PAICS: variants seen among roughly 807,000 people sequenced by gnomAD.
PAICS encodes phosphoribosylaminoimidazole carboxylase and phosphoribosylaminoimidazolesuccinocarboxamide synthase.
Under a neutral mutation model 53.7 loss-of-function variants are expected in PAICS, and 33 were observed. The ratio of observed to expected loss-of-function variants is 0.61; its 90% confidence interval spans 0.47 to 0.82. The LOEUF is 0.82. Among genes scored for constraint, PAICS ranks in the 40% least tolerant of loss-of-function variants. The pLI is 0.00. For synonymous variants in PAICS, 141 were observed against 167.2 expected, an observed-to-expected ratio of 0.84 and a Z score of 1.21; for missense variants, 394 against 494.1, an observed-to-expected ratio of 0.80 and a Z score of 1.92.
chr4:56,412,389 G>A, the PAICS span, among the ~76,000 whole-genome samples: 2 of 150,090 alleles, frequency 1.3e-5, no homozygotes, highest in Non-Finnish European at 3.0e-5. Flanking sequence ...GCTCATTGCT[G>A]CCTCAACTTC....
At chr4:56,414,732 T>C in the PAICS span, among the ~76,000 whole-genome samples, 1 of 152,186 alleles carries the variant, frequency 6.6e-6, no homozygotes, top group Non-Finnish European at 1.5e-5. Flanking sequence ...AACCAGGTAA[T>C]AGAATAGAAA....
chr4:56,424,411 C>T, the PAICS span, among the ~76,000 whole-genome samples: 3 of 152,118 alleles, frequency 2.0e-5, no homozygotes, highest in Non-Finnish European at 4.4e-5. Flanking sequence ...CTCAGACCAG[C>T]AGAGGACTGA....
the PAICS span, among the ~76,000 whole-genome samples, chr4:56,411,742 CAA>C: frequency 1.3e-5 from 2 of 152,070 alleles, no homozygotes; most frequent in Non-Finnish European, 2.9e-5. Flanking sequence ...TGCGAAACCT[CAA>C]AAAGGACAGA....
chr4:56,444,779 T>C (rs1718519063), intron 2 of PAICS, among the ~76,000 whole-genome samples: 1 of 152,182 alleles, frequency 6.6e-6, no homozygotes, highest in Non-Finnish European at 1.5e-5. Context: ...TATGTGCTTT[T>C]GGTTCTCCTT....
At chr4:56,430,682 T>C in the PAICS span, among the ~76,000 whole-genome samples, 1 of 149,958 alleles carries the variant, frequency 6.7e-6, no homozygotes, top group Non-Finnish European at 1.5e-5. Context: ...CTTGTGCGGT[T>C]AACCCTTAGC....
chr4:56,458,376 A>T (rs1401951628), intron 8 of PAICS, among the ~76,000 whole-genome samples: 1 of 151,742 alleles, frequency 6.6e-6, no homozygotes, highest in Non-Finnish European at 1.5e-5. Context: ...AGAGTGGAGC[A>T]CTCTACCTAG....
the PAICS span, among the ~76,000 whole-genome samples, chr4:56,428,028 T>C: frequency 6.6e-6 from 1 of 152,180 alleles, no homozygotes; most frequent in Admixed American, 6.5e-5. Context: ...TCACCTATGA[T>C]GAAAAGCAGC....
rs755977602 is a variant in PAICS at position 56,448,597 on chromosome 4, G to A, written c.573G>A (p.Lys191=). The A allele has an allele frequency of 1.9e-6, 3 of 1,589,728 alleles. No homozygotes were observed. Among genetic ancestry groups the A allele is most frequent in the African/African-American group, 2.7e-5 (2 of 73,988 alleles). The part of the protein sequence containing the change: ...LPQNCTLVDM[K]IEFGVDVTTK... ...AGAATTGTACACTGGTTGATATGAA[G>A]GTACAGATAAAACAAGTACAGATAA... Residue 191 remains lysine (K), a splice_region_variant and synonymous_variant, in exon 4 of 9, where the codon AAG becomes AAA. Transcript: ENST00000512576.
In PAICS at chr4:56,456,120, C is replaced by T. The variant is rs113046828; in HGVS notation, c.1111+2359C>T. On this transcript the variant is annotated intron_variant, in intron 8 of 8. Coordinates refer to ENST00000512576, the MANE Select transcript of PAICS (RefSeq NM_001079524.2). ...TTTCTTTTTTTTCTTGAGACGGAGTCGGGCTCTCTTGCCCAGGCTGGAGTG... is the reference window on the plus strand; with the variant it reads ...TTTCTTTTTTTTCTTGAGACGGAGTTGGGCTCTCTTGCCCAGGCTGGAGTG... 6.0e-3 allele frequency among the ~76,000 whole-genome samples: 914 copies of T among 152,190 alleles called. 8 individuals carry two copies. Among genetic ancestry groups the T allele is most frequent in the African/African-American group, 0.021 (856 of 41,516 alleles).
At chr4:56,424,244 C>T in the PAICS span, among the ~76,000 whole-genome samples, 1 of 152,214 alleles carries the variant, frequency 6.6e-6, no homozygotes, top group East Asian at 1.9e-4. Context: ...AATCCAGCTA[C>T]AGCTGTAGAC....
chr4:56,436,254 TTTTCTA>T, exon 1 of PAICS: 3 of 1,567,920 alleles, frequency 1.9e-6, no homozygotes, highest in Non-Finnish European at 2.6e-6. Flanking sequence ...ACCACCCCTC[TTTTCTA>T]GAGTTCTGCC....
chr4:56,434,390 C>A (rs1717781787), upstream of PAICS, among the ~76,000 whole-genome samples: 1 of 152,188 alleles, frequency 6.6e-6, no homozygotes, highest in Non-Finnish European at 1.5e-5. Flanking sequence ...TAAGTTGTTA[C>A]CACTGTATTG....
chr4:56,457,015 C>A (rs1719246856), intron 8 of PAICS, among the ~76,000 whole-genome samples: 1 of 152,128 alleles, frequency 6.6e-6, no homozygotes, highest in African/African-American at 2.4e-5. Context: ...AACAACCCCT[C>A]ACATTAGTGT....
At chr4:56,444,428 G>A (rs1718497211) in intron 2 of PAICS, among the ~76,000 whole-genome samples, 1 of 152,012 alleles carries the variant, frequency 6.6e-6, no homozygotes, top group South Asian at 2.1e-4. Flanking sequence ...ATGAAGAACG[G>A]TACTACAGTT....
At chr4:56,446,438 T>C in intron 2 of PAICS, 1 of 716,522 alleles carries the variant, frequency 1.4e-6, no homozygotes, top group South Asian at 1.5e-5. Context: ...TTAAGCTTCA[T>C]CCATATTATA....
At chr4:56,434,791 C>G (rs539113812), upstream of PAICS, among the ~76,000 whole-genome samples, 36 of 152,344 alleles carry the variant, frequency 2.4e-4, no homozygotes, top group Non-Finnish European at 2.4e-4. Context: ...AACTAGTCAT[C>G]TTTCCCTGGG....
intron 6 of PAICS, among the ~76,000 whole-genome samples, chr4:56,451,566 G>A (rs1048995516): frequency 2.6e-5 from 4 of 152,010 alleles, no homozygotes; most frequent in African/African-American, 7.2e-5. Context: ...TGCACTAAAG[G>A]TCTTAGGATG....
intron 8 of PAICS, among the ~76,000 whole-genome samples, chr4:56,457,120 CTG>C (rs1720494868): frequency 6.6e-6 from 1 of 152,164 alleles, no homozygotes; most frequent in South Asian, 2.1e-4. Context: ...AGACTGAAGT[CTG>C]TTTTACCTTC....
In PAICS at chr4:56,451,893, C is replaced by T; in HGVS notation, c.793C>T (p.Gln265Ter). The change falls in exon 7 of 9, where the codon CAG becomes TAG. Residue 265 changes from glutamine to a stop codon, truncating the protein, a stop_gained. Transcript: ENST00000512576. LOFTEE classifies it high-confidence loss of function. ...RVELLLKSESQCRVVVLMGST... is the reference protein window; with the variant it reads ...RVELLLKSES ...TCAGTTGCTTTTGAAATCAGAAAGT[C>T]AGTGCAGGGTTGTAGTGTTGATGGG... 1 of 1,562,924 alleles carries T rather than the reference C, an allele frequency of 6.4e-7. No homozygotes were observed. Among genetic ancestry groups the T allele is most frequent in the East Asian group, 2.3e-5 (1 of 44,100 alleles).
Sources: gnomAD v4.1 joint callset for allele counts (sites outside exome capture counted in the v4.1 genomes callset) on GRCh38, gnomAD v4.1.1 for gene constraint, MANE v1.5 for transcripts, NCBI Gene and HGNC (gene_info 2026-07-23, HGNC 2026-07-21) for gene names.